Variants in DLGAP1 observed in about 807,000 individuals in gnomAD.
DLGAP1 encodes the protein DLG associated protein 1.
In DLGAP1, 11 loss-of-function variants were observed where a neutral mutation model predicts 90.8. The observed-to-expected ratio is 0.12, with a 90% CI of 0.08 to 0.20. DLGAP1 has a LOEUF of 0.20. DLGAP1 is among the 10% of genes least tolerant of loss of function. DLGAP1 has a pLI of 1.00. For missense variants in DLGAP1, 1,050 were observed against 1,333.8 expected, an observed-to-expected ratio of 0.79 and a Z score of 3.31; for synonymous variants, 558 against 540.7, an observed-to-expected ratio of 1.03 and a Z score of -0.44.
chr18:4,396,606 A>C (rs2082447774), intron 1 of DLGAP1, among the ~76,000 whole-genome samples: 1 of 152,186 alleles, frequency 6.6e-6, no homozygotes, highest in South Asian at 2.1e-4. Flanking sequence ...AGGAAGCCAC[A>C]TGTTCTTCCC....
At chr18:3,706,222 T>C (rs918270463) in intron 7 of DLGAP1, among the ~76,000 whole-genome samples, 2 of 151,700 alleles carry the variant, frequency 1.3e-5, no homozygotes, top group African/African-American at 4.8e-5. Flanking sequence ...GGTCTTAAAC[T>C]CCTAACCTCA....
chr18:4,009,240 C>T (rs1409647421), intron 2 of DLGAP1, among the ~76,000 whole-genome samples: 1 of 152,176 alleles, frequency 6.6e-6, no homozygotes, highest in Non-Finnish European at 1.5e-5. Flanking sequence ...GCGCTCCATG[C>T]TCCTCTTGAC....
chr18:4,331,452 A>G (rs2080949900), intron 1 of DLGAP1, among the ~76,000 whole-genome samples: 1 of 151,806 alleles, frequency 6.6e-6, no homozygotes, highest in Admixed American at 6.6e-5. Flanking sequence ...AACCTAAAAG[A>G]GGTCAAGATC....
At chr18:4,445,430 A>G (rs922685298) in intron 1 of DLGAP1, among the ~76,000 whole-genome samples, 14 of 144,998 alleles carry the variant, frequency 9.7e-5, no homozygotes, top group Admixed American at 7.6e-4. Context: ...TATATCTCCC[A>G]ATGCTATCCC....
chr18:3,906,736 T>G (rs1416522988), intron 3 of DLGAP1, among the ~76,000 whole-genome samples: 1 of 152,128 alleles, frequency 6.6e-6, no homozygotes, highest in Non-Finnish European at 1.5e-5. Context: ...GGAAAAATGG[T>G]GAAAATTTAG....
At chr18:3,648,740 A>T (rs923754707) in intron 7 of DLGAP1, among the ~76,000 whole-genome samples, 2 of 152,214 alleles carry the variant, frequency 1.3e-5, no homozygotes, top group African/African-American at 4.8e-5. Context: ...CTTTCACTAG[A>T]CTGCCAAAAT....
intron 7 of DLGAP1, among the ~76,000 whole-genome samples, chr18:3,643,693 G>A (rs1219112031): frequency 1.4e-5 from 2 of 147,540 alleles, no homozygotes; most frequent in Non-Finnish European, 3.0e-5. Context: ...AAATGCTGAA[G>A]GATATGACAT....
At chr18:4,114,315 C>T (rs1486174852) in intron 2 of DLGAP1, among the ~76,000 whole-genome samples, 2 of 151,958 alleles carry the variant, frequency 1.3e-5, no homozygotes, top group Non-Finnish European at 2.9e-5. Context: ...AGATCTTTCA[C>T]CTCCTTGGTT....
intron 1 of DLGAP1, among the ~76,000 whole-genome samples, chr18:4,415,044 C>CAT (rs1427092542): frequency 6.5e-5 from 8 of 123,990 alleles, no homozygotes; most frequent in African/African-American, 2.5e-4. Flanking sequence ...TATATACACA[C>CAT]ACACACACAT....
At chr18:3,516,072 C>G (rs1053654462) in intron 10 of DLGAP1, among the ~76,000 whole-genome samples, 50 of 152,170 alleles carry the variant, frequency 3.3e-4, no homozygotes, top group Non-Finnish European at 7.3e-5. Flanking sequence ...GTTTCTTCCT[C>G]CACTGAAGTC....
At chr18:3,726,830 C>A (rs2062200334) in intron 7 of DLGAP1, among the ~76,000 whole-genome samples, 1 of 152,094 alleles carries the variant, frequency 6.6e-6, no homozygotes, top group Non-Finnish European at 1.5e-5. Flanking sequence ...TGGAGCCTTC[C>A]CCAAGAGAGT....
intron 10 of DLGAP1, among the ~76,000 whole-genome samples, chr18:3,528,338 G>A (rs751685384): frequency 1.3e-4 from 20 of 152,090 alleles, no homozygotes; most frequent in Admixed American, 2.0e-4. Context: ...CTTCCTTACC[G>A]CCCCTCTTAC....
chr18:4,090,883 A>C (rs1289298784), intron 2 of DLGAP1, among the ~76,000 whole-genome samples: 1 of 152,270 alleles, frequency 6.6e-6, no homozygotes, highest in Non-Finnish European at 1.5e-5. Context: ...AAAATGTGGT[A>C]CATATACACC....
At chr18:4,281,137 C>T (rs2079540923) in intron 1 of DLGAP1, among the ~76,000 whole-genome samples, 1 of 152,134 alleles carries the variant, frequency 6.6e-6, no homozygotes, top group South Asian at 2.1e-4. Context: ...TGAGTACTAA[C>T]ATTTATATGT....
intron 2 of DLGAP1, among the ~76,000 whole-genome samples, chr18:4,100,469 G>A (rs2075762475): frequency 6.6e-6 from 1 of 152,176 alleles, no homozygotes; most frequent in Non-Finnish European, 1.5e-5. Flanking sequence ...ATTGAGCACA[G>A]GAAAAGCAGA....
intron 2 of DLGAP1, among the ~76,000 whole-genome samples, chr18:4,137,035 T>A (rs1040182634): frequency 1.3e-5 from 2 of 152,176 alleles, no homozygotes; most frequent in Admixed American, 1.3e-4. Context: ...TATCTCCTAA[T>A]GCTATCCCTC....
At chr18:4,212,416 A>G (rs2077861652) in intron 1 of DLGAP1, among the ~76,000 whole-genome samples, 1 of 152,016 alleles carries the variant, frequency 6.6e-6, no homozygotes, top group Admixed American at 6.6e-5. Flanking sequence ...CTGTAATCTC[A>G]GCAATTTGGG....
intron 1 of DLGAP1, among the ~76,000 whole-genome samples, chr18:4,327,869 G>A (rs1345486041): frequency 6.6e-6 from 1 of 151,914 alleles, no homozygotes; most frequent in Non-Finnish European, 1.5e-5. Flanking sequence ...ATGGGAATCA[G>A]TATATACCAT....
At chr18:3,816,788 C>T (rs1001009962) in intron 4 of DLGAP1, among the ~76,000 whole-genome samples, 1 of 152,194 alleles carries the variant, frequency 6.6e-6, no homozygotes, top group African/African-American at 2.4e-5. Context: ...AGGGCCATAT[C>T]TTGACCACTG....
Sources: gnomAD v4.1 joint callset for allele counts (sites outside exome capture counted in the v4.1 genomes callset) on GRCh38, gnomAD v4.1.1 for gene constraint, MANE v1.5 for transcripts, NCBI Gene and HGNC (gene_info 2026-07-23, HGNC 2026-07-21) for gene names.